The following IL1RAPL1 variants were observed in gnomAD, a reference collection of about 807,000 sequenced individuals.
IL1RAPL1 encodes interleukin-1 receptor accessory protein-like 1.
In IL1RAPL1, 3 loss-of-function variants were observed where a neutral mutation model predicts 48.4. That is an observed-to-expected ratio of 0.06 (90% CI 0.03 to 0.16). The LOEUF (loss-of-function observed/expected upper bound fraction) is 0.16. Ranked by LOEUF, IL1RAPL1 falls within the 10% of genes least tolerant of loss-of-function variation. The pLI is 1.00. For missense variants in IL1RAPL1, 349 were observed against 530.6 expected (o/e 0.66, Z 3.36); for synonymous variants, 185 against 187.7 (o/e 0.99, Z 0.12).
chrX:28,739,318 A>G (rs1156319378), intron 1 of IL1RAPL1, among the ~76,000 whole-genome samples: 1 of 110,894 alleles, frequency 9.0e-6, no homozygotes, highest in Non-Finnish European at 1.9e-5. Context: ...ATTAGAAATT[A>G]TATATTTTGC....
chrX:29,063,358 G>A (rs1195286254), intron 2 of IL1RAPL1, among the ~76,000 whole-genome samples: 1 of 111,178 alleles, frequency 9.0e-6, no homozygotes, highest in Non-Finnish European at 1.9e-5. Flanking sequence ...CTATGTAGGT[G>A]TAATACATGG....
chrX:28,670,834 C>G (rs1490670973), intron 1 of IL1RAPL1, among the ~76,000 whole-genome samples: 1 of 112,092 alleles, frequency 8.9e-6, no homozygotes, highest in Non-Finnish European at 1.9e-5. Flanking sequence ...TGGTTGTCAA[C>G]ATGTGATAGT....
intron 3 of IL1RAPL1, among the ~76,000 whole-genome samples, chrX:29,300,732 T>C (rs1207555844): frequency 8.9e-6 from 1 of 112,226 alleles, no homozygotes; most frequent in Non-Finnish European, 1.9e-5. Context: ...TTGTTCTAGT[T>C]TCTAAAGTGG....
chrX:29,324,264 G>T (rs1485143629), intron 3 of IL1RAPL1, among the ~76,000 whole-genome samples: 1 of 111,517 alleles, frequency 9.0e-6, no homozygotes, highest in African/African-American at 3.3e-5. Flanking sequence ...TATAAAAAGA[G>T]AGAAGCCATA....
At chrX:28,936,806 T>G (rs2147346561) in intron 2 of IL1RAPL1, among the ~76,000 whole-genome samples, 1 of 111,118 alleles carries the variant, frequency 9.0e-6, no homozygotes. Context: ...ATTATATGAT[T>G]AATGACATGA....
intron 2 of IL1RAPL1, among the ~76,000 whole-genome samples, chrX:29,001,897 CTTTT>C (rs758737454): frequency 2.2e-5 from 2 of 90,157 alleles, no homozygotes; most frequent in Non-Finnish European, 4.5e-5. Flanking sequence ...CAATGAAGAA[CTTTT>C]TTTTTTTTTT....
At chrX:29,884,370 C>G (rs1932095440) in intron 6 of IL1RAPL1, among the ~76,000 whole-genome samples, 1 of 110,900 alleles carries the variant, frequency 9.0e-6, no homozygotes, top group African/African-American at 3.3e-5. Flanking sequence ...CTGCACTGGA[C>G]AAAGTACACA....
chrX:28,753,368 T>C (rs970994135), intron 1 of IL1RAPL1, among the ~76,000 whole-genome samples: 3 of 112,272 alleles, frequency 2.7e-5, no homozygotes, highest in Admixed American at 9.5e-5. Context: ...GAAAATATCA[T>C]CATACTGCAC....
intron 1 of IL1RAPL1, among the ~76,000 whole-genome samples, chrX:28,668,713 T>C (rs1934912208): frequency 8.9e-6 from 1 of 112,552 alleles, no homozygotes; most frequent in Non-Finnish European, 1.9e-5. Flanking sequence ...ACTCTTGGGA[T>C]ACCCTATTTC....
At chrX:29,102,278 C>A (rs1465553133) in intron 2 of IL1RAPL1, among the ~76,000 whole-genome samples, 1 of 111,849 alleles carries the variant, frequency 8.9e-6, no homozygotes, top group Non-Finnish European at 1.9e-5. Flanking sequence ...ACAAAGATGC[C>A]CACTTTCACC....
chrX:29,912,207 A>C, intron 6 of IL1RAPL1, among the ~76,000 whole-genome samples: 1 of 111,910 alleles, frequency 8.9e-6, no homozygotes, highest in Non-Finnish European at 1.9e-5. Context: ...CTGAATGAGG[A>C]GGCTCTGTAC....
intron 6 of IL1RAPL1, among the ~76,000 whole-genome samples, chrX:29,721,602 C>T (rs1032149097): frequency 3.5e-4 from 39 of 111,843 alleles, no homozygotes; most frequent in African/African-American, 1.1e-3. Context: ...CTGAACTCCA[C>T]CAGAGAACTT....
chrX:28,850,948 G>A (rs1921646293), intron 2 of IL1RAPL1, among the ~76,000 whole-genome samples: 1 of 104,316 alleles, frequency 9.6e-6, no homozygotes, highest in Non-Finnish European at 1.9e-5. Context: ...GTATGGAAAA[G>A]TATAGTCTCT....
intron 2 of IL1RAPL1, among the ~76,000 whole-genome samples, chrX:29,211,623 AG>A (rs1473626579): frequency 9.0e-6 from 1 of 111,231 alleles, no homozygotes; most frequent in African/African-American, 3.3e-5. Flanking sequence ...AAAGTGGCCA[AG>A]GTAGTGGAAA....
intron 1 of IL1RAPL1, among the ~76,000 whole-genome samples, chrX:28,724,949 G>GTTTT (rs749264109): frequency 3.7e-5 from 3 of 81,735 alleles, no homozygotes; most frequent in East Asian, 3.7e-4. Context: ...AACTCAATTT[G>GTTTT]TTTTTTTTTT....
chrX:29,413,636 A>G (rs1195441670), intron 5 of IL1RAPL1, among the ~76,000 whole-genome samples: 4 of 108,597 alleles, frequency 3.7e-5, no homozygotes, highest in Non-Finnish European at 5.7e-5. Context: ...TAGTTTGCTG[A>G]GAATGATGGT....
chrX:28,701,072 A>G (rs1345705602), intron 1 of IL1RAPL1, among the ~76,000 whole-genome samples: 1 of 111,548 alleles, frequency 9.0e-6, no homozygotes, highest in Non-Finnish European at 1.9e-5. Flanking sequence ...TATACCCAGT[A>G]GTAGGATTGC....
chrX:28,630,207 T>G (rs2146892866), intron 1 of IL1RAPL1, among the ~76,000 whole-genome samples: 1 of 111,546 alleles, frequency 9.0e-6, no homozygotes, highest in East Asian at 2.8e-4. Flanking sequence ...TCATTTGTCC[T>G]CTTCCTTTCA....
At chrX:29,242,113 G>C (rs1461108280) in intron 2 of IL1RAPL1, among the ~76,000 whole-genome samples, 2 of 112,186 alleles carry the variant, frequency 1.8e-5, no homozygotes, top group African/African-American at 3.2e-5. Flanking sequence ...GTTCCTACTT[G>C]AATTGCATAT....
Sources: allele counts gnomAD v4.1 joint callset (sites outside exome capture counted in the v4.1 genomes callset), GRCh38; gene constraint gnomAD v4.1.1; transcripts MANE v1.5; gene names NCBI Gene and HGNC (gene_info 2026-07-23, HGNC 2026-07-21).